Variants in GTF3C4 observed in about 807,000 individuals in gnomAD.
GTF3C4 encodes general transcription factor IIIC subunit 4.
In GTF3C4, 28 loss-of-function variants were observed where a neutral mutation model predicts 67.5. The observed-to-expected ratio is 0.41, with a 90% CI of 0.31 to 0.57. The LOEUF is 0.57. Among genes scored for constraint, GTF3C4 ranks in the 20% least tolerant of loss-of-function variants. The pLI is 0.21. For missense variants in GTF3C4, 831 were observed against 1,033.2 expected, an observed-to-expected ratio of 0.80 and a Z score of 2.68; for synonymous variants, 409 against 393.0, an observed-to-expected ratio of 1.04 and a Z score of -0.48.
chr9:132,684,625 T>C (rs1835998361), intron 3 of GTF3C4, among the ~76,000 whole-genome samples: 1 of 152,220 alleles, frequency 6.6e-6, no homozygotes, highest in African/African-American at 2.4e-5. Context: ...GTCCATCTTG[T>C]TCGCTTCACT....
chr9:132,690,465 G>GT lies in GTF3C4; in HGVS notation c.*1521dup. ...CAAAAAAAAAAGAAAAAAAATGTTG[G>GT]TACTTAGATGATACCATGACGGCAA... is the stretch of plus-strand genomic sequence containing the variant. On this transcript the variant is annotated 3_prime_UTR_variant, in exon 5 of 5. Coordinates refer to ENST00000372146, the MANE Select transcript of GTF3C4 (RefSeq NM_012204.4). 6.6e-6 allele frequency: 1 copy of GT among 152,080 alleles called. No individual in the cohort carries two copies. The highest frequency in any genetic ancestry group is 2.4e-5 in the African/African-American group (1 of 41,486). 9.4% of individuals were successfully genotyped at this position (152,080 alleles called of 1,614,324 possible).
chr9:132,686,682 C>G (rs1015247870), intron 3 of GTF3C4, among the ~76,000 whole-genome samples: 1 of 152,116 alleles, frequency 6.6e-6, no homozygotes, highest in East Asian at 1.9e-4. Context: ...ATTTTGCCTT[C>G]GATATTCTTC....
intron 2 of GTF3C4, among the ~76,000 whole-genome samples, chr9:132,682,339 CTG>C (rs1835957901): frequency 6.6e-6 from 1 of 152,122 alleles, no homozygotes; most frequent in Admixed American, 6.5e-5. Context: ...TTACCAACTT[CTG>C]AGCTAGTAAG....
intron 3 of GTF3C4, among the ~76,000 whole-genome samples, chr9:132,684,857 GTTA>G (rs1836001392): frequency 6.6e-6 from 1 of 151,902 alleles, no homozygotes; most frequent in East Asian, 1.9e-4. Context: ...CCTTCCTTGC[GTTA>G]TTATTTTCCT....
In GTF3C4 at chr9:132,678,096, A is replaced by G; in HGVS notation, c.477A>G (p.Pro159=). The part of the protein sequence containing the change: ...RVFNPEGKAL[P]PMRGFKYTSW... ...TCAACCCTGAGGGGAAGGCTTTACC[A>G]CCAATGAGAGGATTCAAGTACACCA... Residue 159 remains proline (P), a synonymous_variant, in exon 2 of 5, where the codon CCA becomes CCG. Coordinates refer to ENST00000372146, the MANE Select transcript of GTF3C4 (RefSeq NM_012204.4). The surrounding 1 kb of genome is among the most constrained non-coding windows in gnomAD (Gnocchi z 6.5). The G allele has an allele frequency of 6.2e-7, 1 of 1,614,236 alleles. No individual in the cohort carries two copies.
chr9:132,680,799 GACTTT>G (rs951024595), intron 2 of GTF3C4, among the ~76,000 whole-genome samples: 4 of 152,216 alleles, frequency 2.6e-5, no homozygotes, highest in Admixed American at 6.5e-5. Flanking sequence ...TCATGTAACT[GACTTT>G]ACTTCTTTAA....
chr9:132,673,434 C>T (rs1324272414), intron 1 of GTF3C4, among the ~76,000 whole-genome samples: 1 of 150,966 alleles, frequency 6.6e-6, no homozygotes, highest in Non-Finnish European at 1.5e-5. Context: ...TTTTAATATG[C>T]ACATCACATA....
At position 132,670,558 on chromosome 9, in the gene GTF3C4, C is replaced by T; in HGVS notation, c.-41C>T. The T allele has an allele frequency of 1.5e-6, 2 of 1,343,818 alleles. No homozygotes were observed. The highest frequency in any genetic ancestry group is 1.5e-5 in the African/African-American group (1 of 65,442). 83.2% of individuals were successfully genotyped at this position (1,343,818 alleles called of 1,614,324 possible). A position where few individuals can be genotyped will look rare whatever the true frequency, so the allele number is the denominator to read the frequency against. On this transcript the variant is annotated 5_prime_UTR_variant, in exon 1 of 5. Transcript: ENST00000372146. ...GGTCCGGGAGGTGGTCGCGCGACTG[C>T]GTGGAGCGCCAGGGCGTCCGACCTC...
chr9:132,673,758 T>G (rs749131172), intron 1 of GTF3C4, among the ~76,000 whole-genome samples: 1 of 152,240 alleles, frequency 6.6e-6, no homozygotes, highest in Non-Finnish European at 1.5e-5. Context: ...AATTCTGTTA[T>G]TTAGATTATG....
chr9:132,684,465 T>C (rs1835995825), intron 3 of GTF3C4, among the ~76,000 whole-genome samples: 1 of 152,190 alleles, frequency 6.6e-6, no homozygotes, highest in Admixed American at 6.5e-5. Flanking sequence ...TCTGTTATTA[T>C]AGTTGTGATA....
chr9:132,686,143 G>A (rs1836024396), intron 3 of GTF3C4, among the ~76,000 whole-genome samples: 1 of 152,226 alleles, frequency 6.6e-6, no homozygotes, highest in South Asian at 2.1e-4. Flanking sequence ...GGGGCCTGGG[G>A]AAGTTAAATA....
chr9:132,685,316 C>A (rs555200658), intron 3 of GTF3C4, among the ~76,000 whole-genome samples: 1 of 151,868 alleles, frequency 6.6e-6, no homozygotes, highest in Non-Finnish European at 1.5e-5. Context: ...CCACTGCACC[C>A]GGCCAAATTT....
intron 1 of GTF3C4, among the ~76,000 whole-genome samples, chr9:132,677,225 A>G (rs1308576067): frequency 6.6e-6 from 1 of 152,146 alleles, no homozygotes; most frequent in African/African-American, 2.4e-5. Flanking sequence ...AACATGGTGA[A>G]ACCCTGTCTC....
At position 132,687,296 on chromosome 9, in the gene GTF3C4, T is replaced by C; in HGVS notation, c.2373T>C (p.His791=). 1 of 1,372,522 alleles carries C rather than the reference T, an allele frequency of 7.3e-7. No individual in the cohort carries two copies. The highest frequency in any genetic ancestry group is 1.6e-5 in the African/African-American group (1 of 60,960). 85.0% of individuals were successfully genotyped at this position (1,372,522 alleles called of 1,614,324 possible). A position where few individuals can be genotyped will look rare whatever the true frequency, so the allele number is the denominator to read the frequency against. The change falls in exon 4 of 5, where the codon CAT becomes CAC. Residue 791 remains histidine (H), a synonymous_variant. Transcript: ENST00000372146. ...TGATATATAGAAGGTGTTTGCTCCA[T>C]GACAGCATTGCCCGGCATCCAGCTC... ...QSLIYRRCLL[H]DSIARHPAPE... is the part of the protein sequence containing the mutation.
At position 132,679,023 on chromosome 9, in the gene GTF3C4, C is replaced by T; in HGVS notation, c.1404C>T (p.Leu468=). Residue 468 remains leucine, a synonymous_variant, in exon 2 of 5, where the codon CTC becomes CTT. Transcript: ENST00000372146. This position sits in a 1 kb window ranked among gnomAD's most constrained non-coding sequence, Gnocchi z 5.9. ...AGTTTGAACACCAGTTGATTAAACTCTCAGATGTGTTTGGCTCAGTGAGGA... is the reference window on the plus strand; with the variant it reads ...AGTTTGAACACCAGTTGATTAAACTTTCAGATGTGTTTGGCTCAGTGAGGA... ...ALKFEHQLIK[L]SDVFGSVRTH... is the part of the protein sequence containing the mutation. 6.2e-7 allele frequency: 1 copy of T among 1,614,198 alleles called. No individual in the cohort carries two copies. The highest frequency in any genetic ancestry group is 8.5e-7 in the Non-Finnish European group (1 of 1,180,030).
At chr9:132,683,834 G>A (rs1835984298) in intron 3 of GTF3C4, 141 bp downstream of exon 3, 1 of 799,586 alleles carries the variant, frequency 1.3e-6, no homozygotes, top group Non-Finnish European at 1.9e-6. Flanking sequence ...CTATTATAAA[G>A]CCTGATGTGG....
chr9:132,685,210 G>A (rs905459471), intron 3 of GTF3C4, among the ~76,000 whole-genome samples: 12 of 151,212 alleles, frequency 7.9e-5, no homozygotes, highest in African/African-American at 2.4e-4. Context: ...TGGTAGAGAC[G>A]GGGTTTCACC....
intron 2 of GTF3C4, among the ~76,000 whole-genome samples, chr9:132,680,314 CAG>C (rs1835922019): frequency 1.3e-5 from 2 of 152,166 alleles, no homozygotes; most frequent in African/African-American, 4.8e-5. Context: ...ATTTTGGTAA[CAG>C]AACAAACTTA....
At position 132,689,903 on chromosome 9, in the gene GTF3C4, CTGTAAGCT is replaced by C. The variant is rs1158617481; in HGVS notation, c.*962_*969del. The C allele has an allele frequency of 6.6e-6, 1 of 152,196 alleles. No individual in the cohort carries two copies. Among genetic ancestry groups the C allele is most frequent in the Non-Finnish European group, 1.5e-5 (1 of 68,054 alleles). The allele number at this position is 152,196 out of a possible 1,614,324, so 9.4% of individuals were successfully genotyped here. A position where few individuals can be genotyped will look rare whatever the true frequency, so the allele number is the denominator to read the frequency against. On this transcript the variant is annotated 3_prime_UTR_variant, in exon 5 of 5. Coordinates refer to ENST00000372146, the MANE Select transcript of GTF3C4 (RefSeq NM_012204.4). ...GAAGTGAGACCCTTGAGCTCTGGTG[CTGTAAGCT>C]TGTGCAATTAAGTTGAACAGAGCCT...
Sources: gnomAD v4.1 joint callset for allele counts (sites outside exome capture counted in the v4.1 genomes callset) on GRCh38, gnomAD v4.1.1 for gene constraint, Gnocchi (gnomAD v3.1) non-coding constraint, MANE v1.5 for transcripts, NCBI Gene and HGNC (gene_info 2026-07-23, HGNC 2026-07-21) for gene names.